MLIP: variants seen among roughly 807,000 people sequenced by gnomAD.
The protein encoded by MLIP is muscular LMNA-interacting protein.
Under a neutral mutation model 84.8 loss-of-function variants are expected in MLIP, and 79 were observed. The ratio of observed to expected loss-of-function variants is 0.93; its 90% CI spans 0.78 to 1.12. The LOEUF (loss-of-function observed/expected upper bound fraction) is 1.12. Ranked by LOEUF, MLIP falls within the 50% of genes most tolerant of loss-of-function variation. MLIP has a pLI of 0.00. For synonymous variants in MLIP, 504 were observed against 463.0 expected (o/e 1.09, Z -1.14); for missense variants, 1,257 against 1,160.6 (o/e 1.08, Z -1.21).
rs145658069 is a variant in MLIP at position 54,192,030 on chromosome 6, A to T, written c.2589+2116A>T. ...ATATATAATGATTTTATAAAATAAG[A>T]TATAGTAAAACAACTCTTTGTGAAT... On this transcript the variant is annotated intron_variant, in intron 10 of 13. Transcript: ENST00000502396. Among the ~76,000 whole-genome samples, 49 of 151,140 alleles carry T rather than the reference A, an allele frequency of 3.2e-4. No homozygotes were observed. The East Asian group carries it at 8.9e-3, about 28-fold the overall frequency.
rs5876369 is a variant in MLIP at position 54,213,731 on chromosome 6, A to AG, written c.2718+11498_2718+11499insG. 1.8e-5 allele frequency among the ~76,000 whole-genome samples: 2 copies of AG among 110,578 alleles called. 1 individual carries two copies. Among genetic ancestry groups the AG allele is most frequent in the Admixed American group, 2.1e-4 (2 of 9,468 alleles). The allele number at this position is 110,578 out of a possible 152,430, so 72.5% of individuals were successfully genotyped here. A position where few individuals can be genotyped will look rare whatever the true frequency, so the allele number is the denominator to read the frequency against. On this transcript the variant is annotated intron_variant, in intron 11 of 13. Transcript: ENST00000502396. Reference sequence around the variant, plus strand: ...TCAAAAAAAAAAAAAAAAAAAAAAAAAAAAACAACAAACAGCATATCTTGT... The same window carrying AG: ...TCAAAAAAAAAAAAAAAAAAAAAAAAGAAAAACAACAAACAGCATATCTTGT...
intron 1 of MLIP, among the ~76,000 whole-genome samples, chr6:54,075,857 C>A (rs1057145763): frequency 2.0e-5 from 3 of 152,178 alleles, no homozygotes; most frequent in South Asian, 2.1e-4. Flanking sequence ...CCAGGTGACA[C>A]CCTCAGAGGT....
intron 5 of MLIP, among the ~76,000 whole-genome samples, chr6:54,150,928 G>A (rs919823145): frequency 2.6e-5 from 4 of 152,166 alleles, no homozygotes; most frequent in Non-Finnish European, 5.9e-5. Flanking sequence ...TATTATACAA[G>A]TTCATGTGCA....
intron 10 of MLIP, among the ~76,000 whole-genome samples, chr6:54,199,094 A>G (rs1324904628): frequency 6.6e-6 from 1 of 152,190 alleles, no homozygotes; most frequent in Non-Finnish European, 1.5e-5. Context: ...GACAGTGGAA[A>G]TAAAACAGAG....
At chr6:54,144,428 G>A (rs1348788211) in intron 4 of MLIP, among the ~76,000 whole-genome samples, 1 of 152,156 alleles carries the variant, frequency 6.6e-6, no homozygotes, top group African/African-American at 2.4e-5. Context: ...TTGGCACCAG[G>A]GACCAGTTTT....
intron 4 of MLIP, among the ~76,000 whole-genome samples, chr6:54,138,629 G>T (rs1443703038): frequency 6.6e-6 from 1 of 152,102 alleles, no homozygotes; most frequent in Non-Finnish European, 1.5e-5. Flanking sequence ...AGAGATTCAG[G>T]ACTATGATAT....
intron 12 of MLIP, among the ~76,000 whole-genome samples, chr6:54,244,554 A>T (rs1025161359): frequency 2.0e-5 from 3 of 152,180 alleles, no homozygotes; most frequent in Non-Finnish European, 4.4e-5. Flanking sequence ...TTTTAAGAGA[A>T]GTGGTTTTGC....
intron 13 of MLIP, among the ~76,000 whole-genome samples, chr6:54,257,797 C>T (rs1399958535): frequency 6.6e-6 from 1 of 152,036 alleles, no homozygotes; most frequent in Non-Finnish European, 1.5e-5. Flanking sequence ...ACTGAGCACC[C>T]CCAACCCCAC....
chr6:54,107,588 G>T (rs1002262388), upstream of MLIP, among the ~76,000 whole-genome samples: 57 of 152,312 alleles, frequency 3.7e-4, no homozygotes, highest in African/African-American at 1.2e-3. Context: ...GGACCTAGGA[G>T]TGCAGGAGCT....
At chr6:54,121,641 A>T in intron 2 of MLIP, 39 bp downstream of exon 2, 1 of 1,445,840 alleles carries the variant, frequency 6.9e-7, no homozygotes, top group Non-Finnish European at 9.3e-7. Flanking sequence ...TCAAACAATT[A>T]TATTAAATTT....
chr6:54,131,456 G>C (rs1307955754), intron 3 of MLIP, among the ~76,000 whole-genome samples: 1 of 152,020 alleles, frequency 6.6e-6, no homozygotes, highest in Non-Finnish European at 1.5e-5. Context: ...TTAACTTAAA[G>C]TAACCTGATT....
intron 1 of MLIP, among the ~76,000 whole-genome samples, chr6:54,021,954 G>C (rs1443485809): frequency 6.6e-6 from 1 of 152,150 alleles, no homozygotes; most frequent in African/African-American, 2.4e-5. Flanking sequence ...CATTGATTCT[G>C]CTAGATGACA....
At chr6:54,223,693 T>C (rs1780377391) in intron 11 of MLIP, among the ~76,000 whole-genome samples, 1 of 152,102 alleles carries the variant, frequency 6.6e-6, no homozygotes, top group African/African-American at 2.4e-5. Flanking sequence ...TTCTTTGGAT[T>C]CACTGAGAGT....
At chr6:54,058,026 T>C (rs1180698201) in intron 1 of MLIP, 4 of 152,198 alleles carry the variant, frequency 2.6e-5, no homozygotes, top group Non-Finnish European at 1.5e-5. Context: ...TAAGTTATAG[T>C]AGTCGGACTT....
chr6:54,075,170 C>T (rs1015480926), intron 1 of MLIP, among the ~76,000 whole-genome samples: 28 of 141,530 alleles, frequency 2.0e-4, no homozygotes, highest in Non-Finnish European at 3.8e-4. Flanking sequence ...TCGCTTGAAC[C>T]GGGGAGGCAG....
intron 1 of MLIP, among the ~76,000 whole-genome samples, chr6:54,043,034 T>C (rs1460865969): frequency 6.6e-6 from 1 of 152,150 alleles, no homozygotes; most frequent in Non-Finnish European, 1.5e-5. Flanking sequence ...GGCAAAAGTC[T>C]CAAGACTCTC....
chr6:54,197,297 C>T (rs748541371), intron 10 of MLIP, among the ~76,000 whole-genome samples: 1 of 151,980 alleles, frequency 6.6e-6, no homozygotes, highest in African/African-American at 2.4e-5. Context: ...TGACATGACT[C>T]GACTTATACT....
Position 54,137,260 on chromosome 6 carries a change from T to C in MLIP, c.1191T>C (p.Ser397=), listed in dbSNP as rs1771890135. 1.3e-6 allele frequency: 2 copies of C among 1,535,948 alleles called. No homozygotes were observed. Among genetic ancestry groups the C allele is most frequent in the Non-Finnish European group, 1.7e-6 (2 of 1,146,898 alleles). Residue 397 remains serine (S), a synonymous_variant, in exon 4 of 14, where the codon TCT becomes TCC. Coordinates refer to ENST00000502396, the MANE Select transcript of MLIP (RefSeq NM_001281747.2). ...SSSTICSQMS[S]SGNLSKSGVK... The stretch of plus-strand genomic sequence containing the variant: ...CCACCATCTGCAGCCAAATGTCATC[T>C]AGTGGAAATCTTTCAAAGTCAGGGG...
chr6:54,249,382 T>C (rs1261791879), intron 12 of MLIP, among the ~76,000 whole-genome samples: 1 of 151,994 alleles, frequency 6.6e-6, no homozygotes. Context: ...AATATTTAAA[T>C]CCTAAAAATA....
Sources: allele counts gnomAD v4.1 joint callset (sites outside exome capture counted in the v4.1 genomes callset), GRCh38; gene constraint gnomAD v4.1.1; transcripts MANE v1.5; gene names NCBI Gene and HGNC (gene_info 2026-07-23, HGNC 2026-07-21).